Variants in SLC66A1 observed in about 807,000 individuals in gnomAD.
SLC66A1 encodes the protein solute carrier family 66 member 1.
SLC66A1 carries 23 observed loss-of-function variants against 33.0 expected under a neutral mutation model. The observed-to-expected ratio is 0.70, with a 90% CI of 0.50 to 0.99. The LOEUF is 0.99. SLC66A1 is among the 50% of genes least tolerant of loss of function. SLC66A1 has a pLI of 0.00. For synonymous variants in SLC66A1, 164 were observed against 175.5 expected (o/e 0.93, Z 0.52); for missense variants, 335 against 383.6 (o/e 0.87, Z 1.06).
chr1:19,325,958 A>G (rs1285064590), intron 4 of SLC66A1, among the ~76,000 whole-genome samples: 1 of 152,194 alleles, frequency 6.6e-6, no homozygotes, highest in Non-Finnish European at 1.5e-5. Flanking sequence ...GCTTGAGGCT[A>G]TACAGACACG....
rs214314 is a variant in SLC66A1 at position 19,324,891 on chromosome 1, G to T, written c.294+129G>T. 0.55 allele frequency: 717,038 copies of T among 1,303,794 alleles called. 198,871 individuals are homozygous for T. The highest frequency in any genetic ancestry group is 0.64 in the African/African-American group (43,775 of 67,968). 80.8% of individuals were successfully genotyped at this position (1,303,794 alleles called of 1,614,324 possible). A position where few individuals can be genotyped will look rare whatever the true frequency, so the allele number is the denominator to read the frequency against. On this transcript the variant is annotated intron_variant, in intron 3 of 7. Transcript: ENST00000375153. ...CCCTGACCCGTCATTCCATCTTGTG[G>T]GAGGGCCCCATCCTTCTGTCTGCCG...
At position 19,328,468 on chromosome 1, in the gene SLC66A1, G is replaced by C. The variant is rs935307540; in HGVS notation, c.805-104G>C. The C allele has an allele frequency of 7.6e-6, 8 of 1,054,028 alleles. No individual in the cohort carries two copies. The highest frequency in any genetic ancestry group is 1.1e-5 in the Non-Finnish European group (8 of 704,104). The allele number at this position is 1,054,028 out of a possible 1,614,324, so 65.3% of individuals were successfully genotyped here. On this transcript the variant is annotated intron_variant, in intron 7 of 7. Coordinates refer to ENST00000375153, the MANE Select transcript of SLC66A1 (RefSeq NM_001040125.2). The surrounding 1 kb of genome is among the most constrained non-coding windows in gnomAD (Gnocchi z 4.7). Reference sequence around the variant, plus strand: ...GGCCCTTCCCACCTGCAGCGTGGGGGTGGGAGGGAGGGGAGAGGGAGGCAG... The same window carrying C: ...GGCCCTTCCCACCTGCAGCGTGGGGCTGGGAGGGAGGGGAGAGGGAGGCAG...
intron 2 of SLC66A1, among the ~76,000 whole-genome samples, chr1:19,319,828 A>T (rs2093825536): frequency 6.7e-6 from 1 of 149,450 alleles, no homozygotes; most frequent in African/African-American, 2.5e-5. Context: ...GCTTGAGCCC[A>T]CCAGGCAGAG....
chr1:19,326,360 G>A lies in SLC66A1; in HGVS notation c.498G>A (p.Ala166=), dbSNP rs577370603. 19 of 1,606,246 alleles carry A rather than the reference G, an allele frequency of 1.2e-5. No homozygotes were observed. The African/African-American group carries it at 1.2e-4, about 10-fold the overall frequency. Reference sequence around the variant, plus strand: ...CTAGGGAAGCCTTCCGGGGGCGGGCGCTCCTGTCCGTGGAGTCGGGCAGCA... The same window carrying A: ...CTAGGGAAGCCTTCCGGGGGCGGGCACTCCTGTCCGTGGAGTCGGGCAGCA... ...AAPREAFRGR[A]LLSVESGSKP... The change falls in exon 5 of 8, where the codon GCG becomes GCA. Residue 166 remains alanine, a synonymous_variant. Coordinates refer to ENST00000375153, the MANE Select transcript of SLC66A1 (RefSeq NM_001040125.2).
intron 5 of SLC66A1, 25 bp from the exon 6 acceptor site, chr1:19,326,506 C>T: frequency 6.2e-7 from 1 of 1,614,134 alleles, no homozygotes; most frequent in Non-Finnish European, 8.5e-7. Context: ...CTACGAGACA[C>T]CAAGTGCCCC....
chr1:19,317,797 C>A lies in SLC66A1; in HGVS notation c.120C>A (p.Gly40=), dbSNP rs752153043. The change falls in exon 2 of 8, where the codon GGC becomes GGA. Residue 40 remains glycine (G), a synonymous_variant. Coordinates refer to ENST00000375153, the MANE Select transcript of SLC66A1 (RefSeq NM_001040125.2). ...ACGGCTGGGACGAGGCCAGCGTGGG[C>A]CTGGGCTTGATCTCCATTCTCTGCT... ...AQDGWDEASV[G]LGLISILCFA... 3 of 1,614,160 alleles carry A rather than the reference C, an allele frequency of 1.9e-6. No homozygotes were observed. The South Asian group carries it at 3.3e-5, about 18-fold the overall frequency.
chr1:19,316,531 C>T (rs2093806886), intron 1 of SLC66A1, among the ~76,000 whole-genome samples: 1 of 151,748 alleles, frequency 6.6e-6, no homozygotes, highest in South Asian at 2.1e-4. Flanking sequence ...GCTGGGACTA[C>T]AAGCGTGTGC....
In SLC66A1 at chr1:19,319,605, G is replaced by GTTTTTTTTTTGTTTTTTTTTTTTTTTTT. The variant is rs56769657; in HGVS notation, c.164+1774_164+1775insGTTTTTTTTTTTTTTTTTTTTTTTTTTT. Among the ~76,000 whole-genome samples the GTTTTTTTTTTGTTTTTTTTTTTTTTTTT allele has an allele frequency of 2.6e-4, 29 of 111,858 alleles. 1 individual carries two copies. The highest frequency in any genetic ancestry group is 9.7e-4 in the African/African-American group (24 of 24,838). 73.4% of individuals were successfully genotyped at this position (111,858 alleles called of 152,430 possible). ...GATTAATGTTGCTGTGCACATTCAT[G>GTTTTTTTTTTGTTTTTTTTTTTTTTTTT]TTTTTTTTTTTTTTTTGCCTGGTGC... On this transcript the variant is annotated intron_variant, in intron 2 of 7. Coordinates refer to ENST00000375153, the MANE Select transcript of SLC66A1 (RefSeq NM_001040125.2).
At chr1:19,319,605 G>GTTTTTTTTTTGTTTTTTTT (rs56769657) in intron 2 of SLC66A1, among the ~76,000 whole-genome samples, 6 of 111,868 alleles carry the variant, frequency 5.4e-5, no homozygotes, top group African/African-American at 2.4e-4. Flanking sequence ...GCACATTCAT[G>GTTTTTTTTTTGTTTTTTTT]TTTTTTTTTT....
At chr1:19,316,438 G>A (rs2093806439) in intron 1 of SLC66A1, among the ~76,000 whole-genome samples, 1 of 151,966 alleles carries the variant, frequency 6.6e-6, no homozygotes, top group South Asian at 2.1e-4. Flanking sequence ...AGGCTGGAGT[G>A]CAGTGGCATG....
At chr1:19,320,212 G>A (rs924413987) in intron 2 of SLC66A1, among the ~76,000 whole-genome samples, 11 of 151,838 alleles carry the variant, frequency 7.2e-5, no homozygotes, top group African/African-American at 2.2e-4. Context: ...TCAGGTATGA[G>A]TTTTTGTGGG....
At chr1:19,333,952 G>C (rs2093898515), downstream of SLC66A1, among the ~76,000 whole-genome samples, 1 of 145,484 alleles carries the variant, frequency 6.9e-6, no homozygotes, top group Non-Finnish European at 1.5e-5. The surrounding 1 kb of genome is among the most constrained non-coding windows in gnomAD (Gnocchi z 4.2). Context: ...GGAAAACCTG[G>C]ATCTGCTTAG....
intron 2 of SLC66A1, among the ~76,000 whole-genome samples, chr1:19,320,080 T>C (rs2152003513): frequency 1.3e-5 from 2 of 150,908 alleles, no homozygotes; most frequent in Admixed American, 1.3e-4. Flanking sequence ...TATATATTTT[T>C]GGTAGAGCTG....
chr1:19,316,210 G>T (rs994025139), intron 1 of SLC66A1, among the ~76,000 whole-genome samples: 7 of 152,132 alleles, frequency 4.6e-5, no homozygotes, highest in Non-Finnish European at 7.4e-5. Flanking sequence ...CTGCTGTTAG[G>T]CATCCCCCCC....
chr1:19,327,450 G>T, intron 7 of SLC66A1, 38 bp downstream of exon 7: 1 of 1,566,516 alleles, frequency 6.4e-7, no homozygotes, highest in Non-Finnish European at 8.7e-7. Context: ...GGCGGGGTGT[G>T]GGCAAGGAAG....
At chr1:19,316,240 G>A (rs1206135923) in intron 1 of SLC66A1, among the ~76,000 whole-genome samples, 1 of 152,188 alleles carries the variant, frequency 6.6e-6, no homozygotes, top group East Asian at 1.9e-4. Context: ...GAGCTCCTGG[G>A]AGAATACAGG....
chr1:19,333,899 C>CAAACAAAACA (rs71008144), downstream of SLC66A1, among the ~76,000 whole-genome samples: 13,778 of 98,232 alleles, frequency 0.14, 736 homozygotes, highest in Admixed American at 0.22. This position sits in a 1 kb window ranked among gnomAD's most constrained non-coding sequence, Gnocchi z 4.2. Flanking sequence ...GACCTTGTCT[C>CAAACAAAACA]AAACAAAACA....
At chr1:19,324,284 A>G (rs1012272088) in intron 2 of SLC66A1, among the ~76,000 whole-genome samples, 2 of 152,226 alleles carry the variant, frequency 1.3e-5, no homozygotes, top group African/African-American at 4.8e-5. Flanking sequence ...GGTTCTATGC[A>G]GCGGTTGTCA....
intron 2 of SLC66A1, among the ~76,000 whole-genome samples, chr1:19,320,749 G>C (rs1286462828): frequency 6.7e-6 from 1 of 149,006 alleles, no homozygotes; most frequent in South Asian, 2.1e-4. Context: ...GTCTTGCTCT[G>C]TTGCCCAGGC....
Sources: gnomAD v4.1 joint callset for allele counts (sites outside exome capture counted in the v4.1 genomes callset) on GRCh38, gnomAD v4.1.1 for gene constraint, Gnocchi (gnomAD v3.1) non-coding constraint, MANE v1.5 for transcripts, NCBI Gene and HGNC (gene_info 2026-07-23, HGNC 2026-07-21) for gene names.